EPM2A: variants seen among roughly 807,000 people sequenced by gnomAD.
The protein encoded by EPM2A is EPM2A glucan phosphatase, laforin, also known as laforin.
A neutral mutation model predicts 26.5 loss-of-function variants in EPM2A; 21 were observed. That is an observed-to-expected ratio of 0.79 (90% CI 0.56 to 1.14). EPM2A has a LOEUF of 1.14. Ranked by LOEUF, EPM2A falls within the 50% of genes most tolerant of loss-of-function variation. The pLI is 0.00. For missense variants in EPM2A, 458 were observed against 440.8 expected, an observed-to-expected ratio of 1.04 and a Z score of -0.35; for synonymous variants, 217 against 177.6, an observed-to-expected ratio of 1.22 and a Z score of -1.76.
At chr6:145,421,134 CACTA>C (rs1450228709) in intron 4 of EPM2A, among the ~76,000 whole-genome samples, 1 of 152,160 alleles carries the variant, frequency 6.6e-6, no homozygotes, top group Non-Finnish European at 1.5e-5. Context: ...ACAGTGGTAA[CACTA>C]ACTGTTTTTG....
chr6:145,509,919 G>A (rs1346938484), intron 2 of EPM2A, among the ~76,000 whole-genome samples: 4 of 151,910 alleles, frequency 2.6e-5, no homozygotes, highest in Non-Finnish European at 2.9e-5. Context: ...AAACAAAAAG[G>A]AGTAAATGTC....
chr6:145,610,907 A>G (rs1190976659), intron 2 of EPM2A, among the ~76,000 whole-genome samples: 1 of 152,238 alleles, frequency 6.6e-6, no homozygotes, highest in Non-Finnish European at 1.5e-5. Context: ...TGGAAGCAAC[A>G]GAAAATGGCT....
chr6:145,475,471 G>A (rs992771492), intron 4 of EPM2A, among the ~76,000 whole-genome samples: 1 of 152,080 alleles, frequency 6.6e-6, no homozygotes, highest in Non-Finnish European at 1.5e-5. Context: ...TGATGGGTGG[G>A]AGGCTAGGGG....
chr6:145,587,646 G>A (rs1428523740), intron 2 of EPM2A, among the ~76,000 whole-genome samples: 2 of 152,142 alleles, frequency 1.3e-5, no homozygotes, highest in Non-Finnish European at 2.9e-5. Flanking sequence ...GGAAGGGCCA[G>A]AACATGATTT....
At chr6:145,705,512 G>A (rs1287415695) in intron 1 of EPM2A, 5 of 453,454 alleles carry the variant, frequency 1.1e-5, no homozygotes, top group African/African-American at 4.0e-5. Context: ...GCAAGATTAC[G>A]CCACTGCACT....
At chr6:145,697,075 G>A (rs997563237) in intron 1 of EPM2A, among the ~76,000 whole-genome samples, 8 of 152,004 alleles carry the variant, frequency 5.3e-5, no homozygotes, top group Non-Finnish European at 5.9e-5. Context: ...GTTATTGGGG[G>A]AAATTCAGCC....
chr6:145,424,455 T>G (rs982241392), intron 4 of EPM2A, among the ~76,000 whole-genome samples: 3 of 152,218 alleles, frequency 2.0e-5, no homozygotes, highest in African/African-American at 7.2e-5. Flanking sequence ...GTAACGAAGC[T>G]TATAGAGGTG....
intron 4 of EPM2A, among the ~76,000 whole-genome samples, chr6:145,396,469 G>A (rs1043636014): frequency 3.3e-5 from 5 of 152,178 alleles, no homozygotes; most frequent in South Asian, 2.1e-4. Flanking sequence ...TTTAGAGACC[G>A]ACTTTAACCT....
chr6:145,649,131 T>A (rs562156793), intron 2 of EPM2A, among the ~76,000 whole-genome samples: 3 of 152,302 alleles, frequency 2.0e-5, no homozygotes, highest in African/African-American at 7.2e-5. Context: ...CTGGATTCAA[T>A]AAGCAGTTTC....
chr6:145,705,600 A>G (rs1749573878), intron 1 of EPM2A: 2 of 455,946 alleles, frequency 4.4e-6, no homozygotes, highest in South Asian at 3.1e-5. Context: ...ATTATCTCCC[A>G]TGTTAGAGTT....
At chr6:145,512,268 C>CA (rs532699274) in intron 2 of EPM2A, among the ~76,000 whole-genome samples, 113 of 152,008 alleles carry the variant, frequency 7.4e-4, no homozygotes, top group African/African-American at 2.6e-3. Flanking sequence ...TATATAAAAC[C>CA]AAAAAATAGC....
rs9497356 is a variant in EPM2A, at chr6:145,591,683, C to G, written c.340+43562G>C. Among the ~76,000 whole-genome samples the G allele has an allele frequency of 5.2e-3, 795 of 151,760 alleles. 4 individuals carry two copies. Among genetic ancestry groups the G allele is most frequent in the African/African-American group, 0.018 (761 of 41,402 alleles). On this transcript the variant is annotated intron_variant, in intron 2 of 3. Coordinates refer to the EPM2A transcript ENST00000450221. Reference sequence around the variant, plus strand: ...AGCAGCAGACCTGCACCGTAAGAAACGTTAAAAGAAGCTCTTCAGAAAGAA... The same window carrying G: ...AGCAGCAGACCTGCACCGTAAGAAAGGTTAAAAGAAGCTCTTCAGAAAGAA...
intron 1 of EPM2A, among the ~76,000 whole-genome samples, chr6:145,711,930 G>T (rs952136042): frequency 3.9e-5 from 6 of 152,112 alleles, no homozygotes; most frequent in Non-Finnish European, 5.9e-5. Flanking sequence ...ATACTAACTT[G>T]CTATAACATA....
At chr6:145,406,363 T>C (rs1778569451) in intron 4 of EPM2A, among the ~76,000 whole-genome samples, 3 of 152,158 alleles carry the variant, frequency 2.0e-5, no homozygotes, top group Non-Finnish European at 4.4e-5. Context: ...ATTAACATAA[T>C]GCTAGATCTA....
intron 4 of EPM2A, among the ~76,000 whole-genome samples, chr6:145,390,720 G>T (rs138000695): frequency 1.7e-3 from 252 of 152,174 alleles, no homozygotes; most frequent in African/African-American, 5.5e-3. Flanking sequence ...TGATGTAAAA[G>T]ATGTACATAT....
chr6:145,445,963 A>C (rs1779123898), intron 4 of EPM2A, among the ~76,000 whole-genome samples: 1 of 152,132 alleles, frequency 6.6e-6, no homozygotes. Context: ...CTCTTTGGGG[A>C]TGACTATAAT....
At chr6:145,704,988 T>C (rs1230393155) in intron 1 of EPM2A, among the ~76,000 whole-genome samples, 3 of 152,238 alleles carry the variant, frequency 2.0e-5, no homozygotes, top group Admixed American at 6.5e-5. Flanking sequence ...CATAATCACA[T>C]TGAAGAAGGA....
At chr6:145,717,781 A>G (rs1235680938) in intron 1 of EPM2A, among the ~76,000 whole-genome samples, 2 of 150,822 alleles carry the variant, frequency 1.3e-5, no homozygotes, top group Non-Finnish European at 3.0e-5. Flanking sequence ...CTCAGGATAC[A>G]AAATCAATGT....
chr6:145,684,372 A>C (rs891947749), intron 2 of EPM2A, among the ~76,000 whole-genome samples: 2 of 152,180 alleles, frequency 1.3e-5, no homozygotes, highest in African/African-American at 4.8e-5. Flanking sequence ...TCTTCAGAAA[A>C]AAGGGTTCAT....
Sources: gnomAD v4.1 joint callset for allele counts (sites outside exome capture counted in the v4.1 genomes callset) on GRCh38, gnomAD v4.1.1 for gene constraint, MANE v1.5 for transcripts, NCBI Gene and HGNC (gene_info 2026-07-23, HGNC 2026-07-21) for gene names.